The following SORCS1 variants were observed in gnomAD, a reference collection of about 807,000 sequenced individuals.
The protein encoded by SORCS1 is VPS10 domain-containing receptor SorCS1.
SORCS1 carries 60 observed loss-of-function variants against 146.1 expected under a neutral mutation model. The observed-to-expected ratio is 0.41, with a 90% CI of 0.33 to 0.51. The LOEUF is 0.51. Ranked by LOEUF, SORCS1 falls within the 20% of genes least tolerant of loss-of-function variation. The probability of loss-of-function intolerance (pLI) is 0.21; values close to 1 mark genes in which losing one functional copy is unlikely to be tolerated. For synonymous variants in SORCS1, 637 were observed against 584.0 expected, an observed-to-expected ratio of 1.09 and a Z score of -1.31; for missense variants, 1,352 against 1,487.6, an observed-to-expected ratio of 0.91 and a Z score of 1.50.
intron 1 of SORCS1, among the ~76,000 whole-genome samples, chr10:106,997,095 T>C (rs776009577): frequency 1.3e-5 from 2 of 152,026 alleles, no homozygotes; most frequent in African/African-American, 4.8e-5. Flanking sequence ...CCCTTACATA[T>C]AGCGCTGCCA....
intron 1 of SORCS1, among the ~76,000 whole-genome samples, chr10:107,089,296 A>G (rs1963995608): frequency 6.6e-6 from 1 of 152,210 alleles, no homozygotes; most frequent in Non-Finnish European, 1.5e-5. Context: ...CTTGACATGA[A>G]CTAAAAACTG....
At chr10:106,818,464 C>A (rs1947852967) in intron 3 of SORCS1, among the ~76,000 whole-genome samples, 1 of 151,354 alleles carries the variant, frequency 6.6e-6, no homozygotes, top group Non-Finnish European at 1.5e-5. Flanking sequence ...CTCCCAGGTT[C>A]AAGTGATCCT....
chr10:106,661,788 C>T (rs1457032300), intron 17 of SORCS1, among the ~76,000 whole-genome samples: 1 of 152,230 alleles, frequency 6.6e-6, no homozygotes, highest in Admixed American at 6.5e-5. Flanking sequence ...CAATTACTCA[C>T]TTTTTCACCG....
intron 1 of SORCS1, among the ~76,000 whole-genome samples, chr10:107,019,206 G>A (rs1399854976): frequency 1.3e-5 from 2 of 152,116 alleles, no homozygotes; most frequent in African/African-American, 4.8e-5. Context: ...TATATGGCCT[G>A]TATTTTTTAA....
intron 24 of SORCS1, among the ~76,000 whole-genome samples, chr10:106,585,347 C>G (rs1455533639): frequency 6.6e-6 from 1 of 152,126 alleles, no homozygotes; most frequent in Non-Finnish European, 1.5e-5. Context: ...CCCAGATATT[C>G]TCACTCATAA....
intron 1 of SORCS1, among the ~76,000 whole-genome samples, chr10:107,058,994 T>C (rs1960911787): frequency 6.6e-6 from 1 of 152,098 alleles, no homozygotes; most frequent in Admixed American, 6.6e-5. Flanking sequence ...CTGCACCGGG[T>C]TTTTATCACG....
chr10:106,855,731 T>C (rs1266731526), intron 2 of SORCS1, among the ~76,000 whole-genome samples: 1 of 152,230 alleles, frequency 6.6e-6, no homozygotes, highest in East Asian at 1.9e-4. Flanking sequence ...TGATCTTTTC[T>C]TAGAATTTCC....
At chr10:106,622,967 G>C (rs1455474478) in intron 19 of SORCS1, among the ~76,000 whole-genome samples, 1 of 152,166 alleles carries the variant, frequency 6.6e-6, no homozygotes, top group Non-Finnish European at 1.5e-5. Flanking sequence ...TTTCCACCTG[G>C]TTTCATTTAT....
At chr10:106,973,984 T>A (rs1192627748) in intron 1 of SORCS1, among the ~76,000 whole-genome samples, 3 of 152,166 alleles carry the variant, frequency 2.0e-5, no homozygotes, top group African/African-American at 7.2e-5. Flanking sequence ...AGGAATTTGT[T>A]TGGATCTGGA....
intron 1 of SORCS1, among the ~76,000 whole-genome samples, chr10:107,018,323 C>T (rs892966290): frequency 6.6e-6 from 1 of 151,494 alleles, no homozygotes; most frequent in Non-Finnish European, 1.5e-5. Context: ...TACAGGCACC[C>T]GCCACCACGC....
At chr10:106,893,622 T>A (rs1951323362) in intron 2 of SORCS1, among the ~76,000 whole-genome samples, 1 of 152,194 alleles carries the variant, frequency 6.6e-6, no homozygotes, top group Non-Finnish European at 1.5e-5. Flanking sequence ...TGTTGCCACA[T>A]GTTGCATGCA....
At chr10:106,686,110 T>TA (rs1002442707) in intron 10 of SORCS1, among the ~76,000 whole-genome samples, 12 of 152,188 alleles carry the variant, frequency 7.9e-5, no homozygotes, top group African/African-American at 2.7e-4. Flanking sequence ...GTTGATTTTT[T>TA]AAAAAAAATG....
At chr10:106,969,535 C>A (rs546461724) in intron 1 of SORCS1, among the ~76,000 whole-genome samples, 1 of 152,126 alleles carries the variant, frequency 6.6e-6, no homozygotes, top group African/African-American at 2.4e-5. Context: ...AGGACTAGAC[C>A]CAGGTTTTGT....
At chr10:106,809,301 C>T (rs1329784041) in intron 3 of SORCS1, among the ~76,000 whole-genome samples, 2 of 152,238 alleles carry the variant, frequency 1.3e-5, no homozygotes, top group East Asian at 3.9e-4. Flanking sequence ...TGACCTTGGG[C>T]TTGGCACAGG....
At chr10:107,046,121 A>G (rs1036518027) in intron 1 of SORCS1, among the ~76,000 whole-genome samples, 2 of 151,834 alleles carry the variant, frequency 1.3e-5, no homozygotes, top group Non-Finnish European at 2.9e-5. Flanking sequence ...TAATTTTTGA[A>G]TTTTTAGTAC....
intron 1 of SORCS1, among the ~76,000 whole-genome samples, chr10:107,156,634 A>G (rs2134879956): frequency 6.6e-6 from 1 of 152,352 alleles, no homozygotes; most frequent in Non-Finnish European, 1.5e-5. Context: ...TAACTCAGTT[A>G]TAATCCTTGA....
chr10:106,987,158 C>T (rs73376451), intron 1 of SORCS1, among the ~76,000 whole-genome samples: 7,490 of 152,220 alleles, frequency 0.049, 604 homozygotes, highest in African/African-American at 0.17. Flanking sequence ...AGAGGCTTAG[C>T]TTTACATTTT....
intron 3 of SORCS1, among the ~76,000 whole-genome samples, chr10:106,792,513 T>C (rs1446753285): frequency 6.6e-6 from 1 of 152,118 alleles, no homozygotes; most frequent in Non-Finnish European, 1.5e-5. Flanking sequence ...CTCAAGAGAG[T>C]GAAATTAGGC....
chr10:106,609,175 C>A (rs11818291), intron 22 of SORCS1, among the ~76,000 whole-genome samples: 10,949 of 152,182 alleles, frequency 0.072, 478 homozygotes, highest in East Asian at 0.19. Context: ...TGTGTTGGGA[C>A]CCAGTGCTCT....
Sources: allele counts gnomAD v4.1 joint callset (sites outside exome capture counted in the v4.1 genomes callset), GRCh38; gene constraint gnomAD v4.1.1; transcripts MANE v1.5; gene names NCBI Gene and HGNC (gene_info 2026-07-23, HGNC 2026-07-21).